Variants in GALNTL6 observed in about 807,000 individuals in gnomAD.
GALNTL6 encodes the protein polypeptide N-acetylgalactosaminyltransferase-like 6.
GALNTL6 carries 46 observed loss-of-function variants against 73.7 expected under a neutral mutation model. The ratio of observed to expected loss-of-function variants is 0.62; its 90% confidence interval spans 0.49 to 0.80. The LOEUF is 0.80. Ranked by LOEUF, GALNTL6 falls within the 30% of genes least tolerant of loss-of-function variation. The pLI, the probability that GALNTL6 is intolerant of heterozygous loss-of-function variation, is 0.00. For missense variants in GALNTL6, 604 were observed against 755.0 expected (o/e 0.80, Z 2.34); for synonymous variants, 259 against 263.7 (o/e 0.98, Z 0.17).
intron 2 of GALNTL6, among the ~76,000 whole-genome samples, chr4:171,954,844 C>T (rs767930494): frequency 3.9e-5 from 6 of 152,070 alleles, no homozygotes; most frequent in Non-Finnish European, 8.8e-5. Flanking sequence ...TAAAAGTGTG[C>T]AGCACTTTCC....
At chr4:172,075,656 G>T (rs748373458) in intron 2 of GALNTL6, among the ~76,000 whole-genome samples, 63 of 151,968 alleles carry the variant, frequency 4.1e-4, no homozygotes, top group Non-Finnish European at 7.6e-4. Context: ...TCTTAAAAAA[G>T]AAAAATATTC....
At chr4:173,018,359 A>AT (rs1432790107) in intron 11 of GALNTL6, among the ~76,000 whole-genome samples, 2 of 152,192 alleles carry the variant, frequency 1.3e-5, no homozygotes, top group Non-Finnish European at 2.9e-5. Flanking sequence ...CTAAAAAGAG[A>AT]TTCATTAATT....
At chr4:172,260,401 A>G (rs1455855684) in intron 3 of GALNTL6, among the ~76,000 whole-genome samples, 1 of 151,584 alleles carries the variant, frequency 6.6e-6, no homozygotes, top group African/African-American at 2.4e-5. Context: ...TTTGATTCTC[A>G]GCTTGGTAGC....
intron 5 of GALNTL6, among the ~76,000 whole-genome samples, chr4:172,352,952 G>A (rs1463460789): frequency 6.6e-6 from 1 of 152,036 alleles, no homozygotes. Flanking sequence ...AAGAAATCCA[G>A]CTTACTTTTG....
At chr4:173,000,730 T>C (rs1210221637) in intron 10 of GALNTL6, among the ~76,000 whole-genome samples, 1 of 152,144 alleles carries the variant, frequency 6.6e-6, no homozygotes, top group Non-Finnish European at 1.5e-5. Flanking sequence ...GGGAATCCAA[T>C]AGATTGCCAA....
chr4:172,663,038 G>T (rs575259699), intron 5 of GALNTL6, among the ~76,000 whole-genome samples: 6 of 152,278 alleles, frequency 3.9e-5, no homozygotes, highest in African/African-American at 1.2e-4. Flanking sequence ...AAAAAGCTTG[G>T]CATGAGAAAG....
At chr4:172,533,303 G>A (rs1407192789) in intron 5 of GALNTL6, among the ~76,000 whole-genome samples, 2 of 141,692 alleles carry the variant, frequency 1.4e-5, no homozygotes, top group African/African-American at 2.6e-5. Flanking sequence ...GTGAGCCGCC[G>A]TGCCCGGCCA....
chr4:172,288,584 G>A (rs1051023323), intron 3 of GALNTL6, among the ~76,000 whole-genome samples: 17 of 152,022 alleles, frequency 1.1e-4, no homozygotes, highest in African/African-American at 3.4e-4. Flanking sequence ...ACCTTAATTC[G>A]TTTCCCTAGT....
At chr4:172,253,406 A>G (rs1038503439) in intron 3 of GALNTL6, among the ~76,000 whole-genome samples, 1 of 151,960 alleles carries the variant, frequency 6.6e-6, no homozygotes, top group African/African-American at 2.4e-5. Flanking sequence ...TAAGAATGTC[A>G]TGACTGATGT....
chr4:171,819,929 A>AACAAAGGT (rs1259857786), intron 2 of GALNTL6, among the ~76,000 whole-genome samples: 2 of 152,106 alleles, frequency 1.3e-5, no homozygotes, highest in Non-Finnish European at 2.9e-5. Context: ...ACTGTTATTA[A>AACAAAGGT]ACAAAGGTGC....
intron 2 of GALNTL6, among the ~76,000 whole-genome samples, chr4:172,153,973 A>G (rs1734176134): frequency 6.6e-6 from 1 of 152,174 alleles, no homozygotes; most frequent in South Asian, 2.1e-4. Context: ...AAGAAGATTG[A>G]ACCTAATGTT....
chr4:172,228,372 G>A (rs1167347672), intron 2 of GALNTL6, among the ~76,000 whole-genome samples: 1 of 151,952 alleles, frequency 6.6e-6, no homozygotes, highest in Non-Finnish European at 1.5e-5. Context: ...TCTTTGAAAT[G>A]TGTAGATTAT....
chr4:172,080,615 A>C (rs1731851777), intron 2 of GALNTL6, among the ~76,000 whole-genome samples: 1 of 151,848 alleles, frequency 6.6e-6, no homozygotes, highest in Non-Finnish European at 1.5e-5. Context: ...TGTATACAAA[A>C]TATTTAAATA....
At chr4:172,341,772 A>T (rs1207599937) in intron 4 of GALNTL6, among the ~76,000 whole-genome samples, 1 of 152,162 alleles carries the variant, frequency 6.6e-6, no homozygotes, top group African/African-American at 2.4e-5. Context: ...CCCCAACCAT[A>T]CGGAACAGTA....
chr4:171,852,292 C>T (rs2110862805), intron 2 of GALNTL6, among the ~76,000 whole-genome samples: 1 of 152,242 alleles, frequency 6.6e-6, no homozygotes, highest in East Asian at 1.9e-4. Flanking sequence ...TTATTCAAAG[C>T]AGCTGATGCC....
At chr4:171,927,292 CTTTTT>C (rs963063373) in intron 2 of GALNTL6, among the ~76,000 whole-genome samples, 1 of 151,798 alleles carries the variant, frequency 6.6e-6, no homozygotes, top group African/African-American at 2.4e-5. Flanking sequence ...CTTTACTTTT[CTTTTT>C]TTGTTTTTTA....
chr4:173,005,026 T>C (rs1752211281), intron 10 of GALNTL6, among the ~76,000 whole-genome samples: 1 of 152,152 alleles, frequency 6.6e-6, no homozygotes, highest in Non-Finnish European at 1.5e-5. Context: ...CCACATCTAC[T>C]AGGCTCCTTG....
intron 2 of GALNTL6, among the ~76,000 whole-genome samples, chr4:172,037,224 CTG>C (rs915864930): frequency 1.3e-5 from 2 of 152,128 alleles, no homozygotes; most frequent in African/African-American, 4.8e-5. Context: ...TTTATCTTCT[CTG>C]TGTTTATACA....
At chr4:172,335,817 T>G (rs1265809056) in intron 4 of GALNTL6, among the ~76,000 whole-genome samples, 5 of 152,218 alleles carry the variant, frequency 3.3e-5, no homozygotes, top group Non-Finnish European at 7.3e-5. Flanking sequence ...CTAATTGTGC[T>G]TATTTGAACC....
Sources: allele counts gnomAD v4.1 joint callset (sites outside exome capture counted in the v4.1 genomes callset), GRCh38; gene constraint gnomAD v4.1.1; transcripts MANE v1.5; gene names NCBI Gene and HGNC (gene_info 2026-07-23, HGNC 2026-07-21).